PSD3: variants seen among roughly 807,000 people sequenced by gnomAD.
PSD3 encodes the protein pleckstrin and Sec7 domain containing 3, also known as PH and SEC7 domain-containing protein 3.
A neutral mutation model predicts 105.5 loss-of-function variants in PSD3; 49 were observed. The ratio of observed to expected loss-of-function variants is 0.46; its 90% CI spans 0.37 to 0.59. PSD3 has a LOEUF of 0.59. PSD3 is among the 20% of genes least tolerant of loss of function. The pLI, the probability that PSD3 is intolerant of heterozygous loss-of-function variation, is 0.00. For synonymous variants in PSD3, 557 were observed against 457.8 expected, an observed-to-expected ratio of 1.22 and a Z score of -2.77; for missense variants, 1,561 against 1,263.8, an observed-to-expected ratio of 1.24 and a Z score of -3.57.
intron 1 of PSD3, among the ~76,000 whole-genome samples, chr8:19,033,698 C>G (rs1506892): frequency 0.7 from 105,386 of 151,168 alleles, 37,584 homozygotes; most frequent in African/African-American, 0.85. Flanking sequence ...GCCATTCATA[C>G]CCAATTATCT....
At chr8:19,084,403 C>T in exon 1 of PSD3, 1 of 456,264 alleles carries the variant, frequency 2.2e-6, no homozygotes. Flanking sequence ...TGGACCAGGA[C>T]AGCCCTTGGA....
intron 2 of PSD3, among the ~76,000 whole-genome samples, chr8:18,893,387 G>A (rs1166597514): frequency 6.6e-6 from 1 of 152,154 alleles, no homozygotes; most frequent in Admixed American, 6.6e-5. Context: ...ATCTAAGTGG[G>A]CAACAGGAAC....
intron 8 of PSD3, among the ~76,000 whole-genome samples, chr8:18,775,949 T>C (rs966997214): frequency 6.6e-6 from 1 of 152,162 alleles, no homozygotes; most frequent in Non-Finnish European, 1.5e-5. Context: ...GTTTCCCCAA[T>C]CTTTTCTTCT....
intron 10 of PSD3, among the ~76,000 whole-genome samples, chr8:18,647,302 A>G (rs1459749161): frequency 6.6e-6 from 1 of 152,238 alleles, no homozygotes; most frequent in Non-Finnish European, 1.5e-5. Flanking sequence ...GGACAGAAAG[A>G]TATCAATGTG....
intron 4 of PSD3, among the ~76,000 whole-genome samples, chr8:18,856,279 C>G (rs188757049): frequency 7.6e-4 from 115 of 152,288 alleles, no homozygotes; most frequent in African/African-American, 2.7e-3. Flanking sequence ...AGAGTTATTT[C>G]TGAAGTTATC....
chr8:18,639,855 C>T (rs1807517744), intron 10 of PSD3, among the ~76,000 whole-genome samples: 1 of 152,024 alleles, frequency 6.6e-6, no homozygotes, highest in Non-Finnish European at 1.5e-5. Context: ...GGGAGTGTGC[C>T]CTAGAGAAGA....
chr8:18,822,577 A>T, intron 4 of PSD3, among the ~76,000 whole-genome samples: 1 of 152,158 alleles, frequency 6.6e-6, no homozygotes, highest in Non-Finnish European at 1.5e-5. Context: ...TGTCCCTCCT[A>T]CGCCAATATC....
intron 1 of PSD3, among the ~76,000 whole-genome samples, chr8:18,988,191 G>C (rs573324423): frequency 2.5e-5 from 2 of 81,454 alleles, no homozygotes; most frequent in East Asian, 7.2e-4. Flanking sequence ...AAAGCTGCTT[G>C]AATTGAATTC....
intron 6 of PSD3, 93 bp downstream of exon 6, chr8:18,804,429 A>T: frequency 8.5e-7 from 1 of 1,180,504 alleles, no homozygotes; most frequent in South Asian, 1.5e-5. Flanking sequence ...GTTTAAAAAA[A>T]AAAAATAAGA....
chr8:18,682,003 C>CAAA lies in PSD3; in HGVS notation c.2173-26321_2173-26319dup, dbSNP rs10612158. On this transcript the variant is annotated intron_variant, in intron 9 of 15. Transcript: ENST00000327040. ...TAACTCCTGCGGCGTTTGCAATATTCAAAAAAAAAAAAAAAAAGTGCTTGG... is the reference window on the plus strand; with the variant it reads ...TAACTCCTGCGGCGTTTGCAATATTCAAAAAAAAAAAAAAAAAAAAGTGCTTGG... Among the ~76,000 whole-genome samples the CAAA allele has an allele frequency of 5.2e-5, 6 of 115,528 alleles. No homozygotes were observed. The East Asian group carries it at 7.1e-4, about 14-fold the overall frequency. The allele number at this position is 115,528 out of a possible 152,430, so 75.8% of individuals were successfully genotyped here.
chr8:18,628,200 G>A (rs144417234), intron 11 of PSD3, among the ~76,000 whole-genome samples: 1,734 of 151,648 alleles, frequency 0.011, 40 homozygotes, highest in African/African-American at 0.04. Flanking sequence ...AATAATGGCT[G>A]AAAAAAACAT....
At chr8:18,792,218 T>C (rs1809788637) in intron 8 of PSD3, among the ~76,000 whole-genome samples, 1 of 152,210 alleles carries the variant, frequency 6.6e-6, no homozygotes, top group South Asian at 2.1e-4. Context: ...TTACTGGGTA[T>C]ATATGTAAAG....
At chr8:18,760,263 G>A (rs976698856) in intron 9 of PSD3, among the ~76,000 whole-genome samples, 2 of 152,094 alleles carry the variant, frequency 1.3e-5, no homozygotes, top group Non-Finnish European at 2.9e-5. Flanking sequence ...GTTTTGTGAT[G>A]AGAACATTCA....
intron 4 of PSD3, chr8:18,865,263 TA>T (rs1563360299): frequency 0.018 from 128 of 7,042 alleles, 23 homozygotes; most frequent in Non-Finnish European, 0.024. Context: ...TATATATATA[TA>T]TATATATATA....
At chr8:18,725,066 A>G (rs1803252917) in intron 9 of PSD3, among the ~76,000 whole-genome samples, 1 of 152,202 alleles carries the variant, frequency 6.6e-6, no homozygotes, top group African/African-American at 2.4e-5. Flanking sequence ...TTTTCTACCA[A>G]ATAAACTTCC....
chr8:18,774,572 C>T, intron 8 of PSD3: 4 of 342,268 alleles, frequency 1.2e-5, no homozygotes, highest in Non-Finnish European at 2.2e-5. Flanking sequence ...TTACTTCTGT[C>T]GTTGGTACAG....
chr8:18,915,509 ACAACT>A (rs1820525627), intron 2 of PSD3, among the ~76,000 whole-genome samples: 1 of 152,218 alleles, frequency 6.6e-6, no homozygotes, highest in Non-Finnish European at 1.5e-5. Context: ...TATTTGTCAA[ACAACT>A]CAATAGCAAG....
intron 11 of PSD3, among the ~76,000 whole-genome samples, chr8:18,615,756 CA>C (rs1470615808): frequency 6.6e-6 from 1 of 152,166 alleles, no homozygotes; most frequent in Non-Finnish European, 1.5e-5. Flanking sequence ...ACTGCTGAAT[CA>C]GACAAGTGGG....
At chr8:18,620,370 G>C (rs13259620) in intron 11 of PSD3, among the ~76,000 whole-genome samples, 24,758 of 137,258 alleles carry the variant, frequency 0.18, 2,297 homozygotes, top group Middle Eastern at 0.38. Flanking sequence ...TCCCCAGGCT[G>C]TGGTCACTCA....
Sources: gnomAD v4.1 joint callset for allele counts (sites outside exome capture counted in the v4.1 genomes callset) on GRCh38, gnomAD v4.1.1 for gene constraint, MANE v1.5 for transcripts, NCBI Gene and HGNC (gene_info 2026-07-23, HGNC 2026-07-21) for gene names.